Variants in LAPTM4B observed in about 807,000 individuals in gnomAD.
LAPTM4B encodes the protein lysosomal-associated transmembrane protein 4B.
In LAPTM4B, 26 loss-of-function variants were observed where a neutral mutation model predicts 28.5. The ratio of observed to expected loss-of-function variants is 0.91; its 90% CI spans 0.67 to 1.27. The LOEUF is 1.27. Among genes scored for constraint, LAPTM4B ranks in the 50% most tolerant of loss-of-function variants. LAPTM4B has a pLI of 0.00. For synonymous variants in LAPTM4B, 109 were observed against 106.4 expected, an observed-to-expected ratio of 1.02 and a Z score of -0.15; for missense variants, 288 against 285.8, an observed-to-expected ratio of 1.01 and a Z score of -0.06.
At position 97,846,017 on chromosome 8, in the gene LAPTM4B, G is replaced by A. The variant is rs184848825; in HGVS notation, c.604-5380G>A. ...AGTCTTCCCACCTTAGCCTCCTAAG[G>A]CTAATTTTTGTATTTTTTGTAGAGA... On this transcript the variant is annotated intron_variant, in intron 6 of 6. Coordinates refer to ENST00000521545, the MANE Select transcript of LAPTM4B (RefSeq NM_018407.6). Among the ~76,000 whole-genome samples, 350 of 149,344 alleles carry A rather than the reference G, an allele frequency of 2.3e-3. 1 individual carries two copies. Among genetic ancestry groups the A allele is most frequent in the African/African-American group, 8.0e-3 (326 of 40,590 alleles).
At chr8:97,813,377 T>C (rs1816856706) in intron 2 of LAPTM4B, among the ~76,000 whole-genome samples, 1 of 152,248 alleles carries the variant, frequency 6.6e-6, no homozygotes, top group Non-Finnish European at 1.5e-5. Flanking sequence ...GCAAGTCTGC[T>C]CTTCATCTTC....
chr8:97,825,648 C>T (rs893063442), intron 6 of LAPTM4B, among the ~76,000 whole-genome samples: 2 of 152,202 alleles, frequency 1.3e-5, no homozygotes, highest in East Asian at 3.8e-4. Context: ...TGTTCTGCTA[C>T]TAGTTGCTCA....
intron 1 of LAPTM4B, among the ~76,000 whole-genome samples, chr8:97,780,905 A>C (rs1008174079): frequency 6.6e-6 from 1 of 152,178 alleles, no homozygotes; most frequent in Admixed American, 6.5e-5. Context: ...GGCCACGCTA[A>C]CTTTGGGAGA....
chr8:97,796,445 T>C (rs900599099), intron 1 of LAPTM4B, among the ~76,000 whole-genome samples: 16 of 152,328 alleles, frequency 1.1e-4, no homozygotes, highest in African/African-American at 3.4e-4. Flanking sequence ...TCCCTTGTTA[T>C]ATCTATTTCC....
intron 6 of LAPTM4B, among the ~76,000 whole-genome samples, chr8:97,850,865 A>T (rs1817513567): frequency 6.6e-6 from 1 of 150,704 alleles, no homozygotes. Context: ...AGAAAGCCGA[A>T]ATCAGCCAGT....
chr8:97,852,055 A>G lies in LAPTM4B; in HGVS notation c.*581A>G, dbSNP rs1817532030. Reference sequence around the variant, plus strand: ...GATTTTCTCCATGGCCTGAATTAAGACCATTAGAAAGCACCAGGCCGTGGG... The same window carrying G: ...GATTTTCTCCATGGCCTGAATTAAGGCCATTAGAAAGCACCAGGCCGTGGG... On this transcript the variant is annotated 3_prime_UTR_variant, in exon 7 of 7. Coordinates refer to ENST00000521545, the MANE Select transcript of LAPTM4B (RefSeq NM_018407.6). 1 of 154,120 alleles carries G rather than the reference A, an allele frequency of 6.5e-6. No individual in the cohort carries two copies. The highest frequency in any genetic ancestry group is 2.4e-5 in the African/African-American group (1 of 41,462). The allele number at this position is 154,120 out of a possible 1,614,324, so 9.5% of individuals were successfully genotyped here.
At chr8:97,796,118 T>C (rs1053323233) in intron 1 of LAPTM4B, among the ~76,000 whole-genome samples, 1 of 152,208 alleles carries the variant, frequency 6.6e-6, no homozygotes, top group Non-Finnish European at 1.5e-5. Flanking sequence ...TTTTGTGTGT[T>C]TTGGTAGAGA....
At chr8:97,827,289 C>T (rs1006865329) in intron 6 of LAPTM4B, among the ~76,000 whole-genome samples, 1 of 152,178 alleles carries the variant, frequency 6.6e-6, no homozygotes, top group African/African-American at 2.4e-5. Flanking sequence ...GGTCTTAAGA[C>T]CTTCCCTAAA....
intron 1 of LAPTM4B, among the ~76,000 whole-genome samples, chr8:97,791,078 T>C (rs1816489435): frequency 6.6e-6 from 1 of 152,114 alleles, no homozygotes; most frequent in East Asian, 1.9e-4. Context: ...TTTTTACAAA[T>C]TATTGTTTGT....
intron 2 of LAPTM4B, among the ~76,000 whole-genome samples, chr8:97,807,130 G>A (rs930253517): frequency 9.2e-5 from 14 of 152,140 alleles, no homozygotes; most frequent in Admixed American, 1.3e-4. Context: ...TGTAGGCTCC[G>A]AAGCCAGAAG....
chr8:97,852,570 T>A lies in LAPTM4B; in HGVS notation c.*1096T>A, dbSNP rs1338340664. ...TGAATGTGCTGTAAATTAAGTTGTT[T>A]GCAATTAAAACAAGGTTTGCCCACA... On this transcript the variant is annotated 3_prime_UTR_variant, in exon 7 of 7. Transcript: ENST00000521545. 6 of 152,574 alleles carry A rather than the reference T, an allele frequency of 3.9e-5. No homozygotes were observed. The highest frequency in any genetic ancestry group is 3.9e-4 in the Admixed American group (6 of 15,266). The allele number at this position is 152,574 out of a possible 1,614,324, so 9.5% of individuals were successfully genotyped here.
chr8:97,842,884 C>CT (rs375838290), intron 6 of LAPTM4B, among the ~76,000 whole-genome samples: 25,218 of 143,768 alleles, frequency 0.18, 2,166 homozygotes, highest in Middle Eastern at 0.24. Flanking sequence ...TATATAATAT[C>CT]TTTTTTTTTT....
In LAPTM4B at chr8:97,789,032, C is replaced by T. The variant is rs535728366; in HGVS notation, c.99+12924C>T. Reference sequence around the variant, plus strand: ...TTTTGGAAAACATCTTCATTTGGTGCTCACTCTTTATTTATTTATTTATTT... The same window carrying T: ...TTTTGGAAAACATCTTCATTTGGTGTTCACTCTTTATTTATTTATTTATTT... On this transcript the variant is annotated intron_variant, in intron 1 of 6. Transcript: ENST00000521545. Among the ~76,000 whole-genome samples the T allele has an allele frequency of 8.3e-5, 12 of 144,668 alleles. No homozygotes were observed. The South Asian group carries it at 2.6e-3, about 32-fold the overall frequency. 94.9% of individuals were successfully genotyped at this position (144,668 alleles called of 152,430 possible).
intron 6 of LAPTM4B, among the ~76,000 whole-genome samples, chr8:97,837,831 T>C (rs1475541225): frequency 6.6e-6 from 1 of 152,198 alleles, no homozygotes; most frequent in Non-Finnish European, 1.5e-5. Context: ...CCTGTCATTA[T>C]TGGCTTTCAA....
intron 1 of LAPTM4B, among the ~76,000 whole-genome samples, chr8:97,793,861 C>G (rs1816542799): frequency 6.6e-6 from 1 of 152,198 alleles, no homozygotes; most frequent in Admixed American, 6.5e-5. Context: ...GGCTGGGGAG[C>G]AGTGGCACCA....
rs1816202013 is a variant in LAPTM4B at position 97,775,992 on chromosome 8, GC to G, written c.-16del. The G allele has an allele frequency of 6.4e-7, 1 of 1,564,638 alleles. No individual in the cohort carries two copies. Among genetic ancestry groups the G allele is most frequent in the East Asian group, 2.6e-5 (1 of 38,252 alleles). On this transcript the variant is annotated 5_prime_UTR_variant, in exon 1 of 7. Coordinates refer to ENST00000521545, the MANE Select transcript of LAPTM4B (RefSeq NM_018407.6). ...CCTGAAAACTTGCGCGCGCGCTCGC[GC>G]CACTGCGCCCGGAGCGATGAAGATG...
At chr8:97,822,893 G>A (rs1327725680) in intron 5 of LAPTM4B, among the ~76,000 whole-genome samples, 1 of 151,846 alleles carries the variant, frequency 6.6e-6, no homozygotes, top group Non-Finnish European at 1.5e-5. Context: ...CCAGGCTGGA[G>A]TGCAGTGGTG....
At chr8:97,823,361 T>G (rs112385392) in intron 5 of LAPTM4B, among the ~76,000 whole-genome samples, 98 of 134,572 alleles carry the variant, frequency 7.3e-4, no homozygotes, top group African/African-American at 2.2e-3. Flanking sequence ...TTTTTGTTTT[T>G]TTTTTGTTGT....
chr8:97,833,267 C>CGCTTG (rs1817212127), intron 6 of LAPTM4B, among the ~76,000 whole-genome samples: 6 of 151,878 alleles, frequency 4.0e-5, no homozygotes, highest in Admixed American at 2.6e-4. Context: ...CTGGGAGGTT[C>CGCTTG]ACTTGAACCT....
Sources: gnomAD v4.1 joint callset for allele counts (sites outside exome capture counted in the v4.1 genomes callset) on GRCh38, gnomAD v4.1.1 for gene constraint, MANE v1.5 for transcripts, NCBI Gene and HGNC (gene_info 2026-07-23, HGNC 2026-07-21) for gene names.